TCP1: variants seen among roughly 807,000 people sequenced by gnomAD.
The protein encoded by TCP1 is t-complex 1.
In TCP1, 6 loss-of-function variants were observed where a neutral mutation model predicts 54.7. That is an observed-to-expected ratio of 0.11 (90% CI 0.06 to 0.22). The LOEUF is 0.22. Ranked by LOEUF, TCP1 falls within the 10% of genes least tolerant of loss-of-function variation. The probability of loss-of-function intolerance (pLI) is 1.00; values close to 1 mark genes in which losing one functional copy is unlikely to be tolerated. For synonymous variants in TCP1, 225 were observed against 229.7 expected (o/e 0.98, Z 0.19); for missense variants, 511 against 678.2 (o/e 0.75, Z 2.74).
intron 7 of TCP1, 90 bp from the exon 8 acceptor site, chr6:159,781,200 G>C (rs1780568782): frequency 3.5e-6 from 4 of 1,140,238 alleles, no homozygotes; most frequent in South Asian, 1.8e-5. Flanking sequence ...GATAATCATA[G>C]ATCAAATTGT....
chr6:159,780,682 G>A, intron 8 of TCP1, 116 bp from the exon 9 acceptor site: 1 of 1,362,882 alleles, frequency 7.3e-7, no homozygotes, highest in Middle Eastern at 1.9e-4. Context: ...ATTTAGTTAG[G>A]CAGCACACGG....
At chr6:159,785,183 C>T (rs1019316715) in intron 5 of TCP1, 13 of 609,850 alleles carry the variant, frequency 2.1e-5, no homozygotes, top group African/African-American at 9.3e-5. Context: ...CGCACGCGTG[C>T]GCGCAACACA....
chr6:159,789,306 C>T, intron 1 of TCP1, 99 bp downstream of exon 1: 2 of 1,401,906 alleles, frequency 1.4e-6, no homozygotes, highest in Non-Finnish European at 2.0e-6. Context: ...GCCCTTTCTG[C>T]GGAGGTAAAG....
Position 159,786,013 on chromosome 6 carries a change from T to A in TCP1, c.280-16A>T. 1 of 1,603,040 alleles carries A rather than the reference T, an allele frequency of 6.2e-7. No individual in the cohort carries two copies. Among genetic ancestry groups the A allele is most frequent in the East Asian group, 2.2e-5 (1 of 44,804 alleles). Reference sequence around the variant, plus strand: ...CAATAATAACCTGTTGAGAAAACATTCACTGGTCTGAGTGTGCCGGATATT... The same window carrying A: ...CAATAATAACCTGTTGAGAAAACATACACTGGTCTGAGTGTGCCGGATATT... On this transcript the variant is annotated splice_polypyrimidine_tract_variant and intron_variant, in intron 3 of 11. Coordinates refer to ENST00000321394, the MANE Select transcript of TCP1 (RefSeq NM_030752.3).
chr6:159,779,992 A>G lies in TCP1; in HGVS notation c.1193T>C (p.Val398Ala), dbSNP rs554265255. Residue 398 changes from valine to alanine, a missense_variant, in exon 10 of 12, where the codon GTA (valine) becomes GCA (alanine). Physicochemically the swap from Val to Ala is moderately conservative, Grantham distance 64 (BLOSUM62 0). Coordinates refer to ENST00000321394, the MANE Select transcript of TCP1 (RefSeq NM_030752.3). ...MERSLHDALC[V>A]VKRVLESKSV... ...TTTTGACTCCAAAACTCTCTTCACT[A>G]CACAAAGTGCATCATGTAAAGAGCG... 1.2e-5 allele frequency: 20 copies of G among 1,614,140 alleles called. 1 individual carries two copies. In the South Asian group the frequency reaches 1.9e-4, roughly 15 times the overall value.
chr6:159,785,626 G>C (rs1005177897), intron 4 of TCP1, 130 bp from the exon 5 acceptor site: 2 of 854,594 alleles, frequency 2.3e-6, no homozygotes, highest in Non-Finnish European at 4.0e-6. Flanking sequence ...TATAGGAGGA[G>C]GACATGAAAA....
In TCP1 at chr6:159,778,867, A is replaced by G; in HGVS notation, c.*178T>C. The G allele has an allele frequency of 6.2e-7, 1 of 1,613,096 alleles. No homozygotes were observed. ...TTGAACAACCTCAATTTCTTTTTAA[A>G]CTAATAAAGTACTAGGTTGCAATAT... is the stretch of plus-strand genomic sequence containing the variant. On this transcript the variant is annotated 3_prime_UTR_variant, in exon 12 of 12. Transcript: ENST00000321394.
Position 159,778,824 on chromosome 6 carries a change from G to C in TCP1, c.*221C>G. ...GGGAATAGCAATGTGTGTTCAGAGAGAATGAATTGCTTAAACTTTGAACAA... is the reference window on the plus strand; with the variant it reads ...GGGAATAGCAATGTGTGTTCAGAGACAATGAATTGCTTAAACTTTGAACAA... On this transcript the variant is annotated 3_prime_UTR_variant, in exon 12 of 12. Transcript: ENST00000321394. The C allele has an allele frequency of 6.2e-7, 1 of 1,614,074 alleles. No homozygotes were observed. The highest frequency in any genetic ancestry group is 8.5e-7 in the Non-Finnish European group (1 of 1,179,990).
chr6:159,789,330 G>T, intron 1 of TCP1, 75 bp downstream of exon 1: 1 of 1,566,662 alleles, frequency 6.4e-7, no homozygotes. Flanking sequence ...AGAAACGAGG[G>T]CAGCCGGGGT....
chr6:159,779,346 G>A (rs1780515150), intron 11 of TCP1, 85 bp from the exon 12 acceptor site: 1 of 1,273,746 alleles, frequency 7.9e-7, no homozygotes, highest in Non-Finnish European at 1.1e-6. Flanking sequence ...CAAGTATTAA[G>A]GTTGATTTTT....
rs768868346 is a variant in TCP1 at position 159,778,652 on chromosome 6, C to G, written c.*393G>C. Reference sequence around the variant, plus strand: ...ATAAACAATCTAAATCTTTTCTCCCCCGTTAGGTCAATATTGAAGGAGGGG... The same window carrying G: ...ATAAACAATCTAAATCTTTTCTCCCGCGTTAGGTCAATATTGAAGGAGGGG... On this transcript the variant is annotated 3_prime_UTR_variant, in exon 12 of 12. Coordinates refer to ENST00000321394, the MANE Select transcript of TCP1 (RefSeq NM_030752.3). The G allele has an allele frequency of 1.2e-6, 2 of 1,613,406 alleles. No individual in the cohort carries two copies. Among genetic ancestry groups the G allele is most frequent in the Non-Finnish European group, 1.7e-6 (2 of 1,179,530 alleles).
chr6:159,783,765 T>C (rs555181055), intron 7 of TCP1, among the ~76,000 whole-genome samples, 176 bp downstream of exon 7: 3 of 152,288 alleles, frequency 2.0e-5, no homozygotes, highest in Admixed American at 6.5e-5. Context: ...AATAGACTCA[T>C]ACAATCAAAA....
chr6:159,785,303 G>T, intron 5 of TCP1, 83 bp downstream of exon 5: 2 of 1,041,800 alleles, frequency 1.9e-6, no homozygotes, highest in Non-Finnish European at 3.0e-6. Flanking sequence ...TAGTAGCTGG[G>T]ACTACAGGCA....
At chr6:159,785,083 A>C (rs1547094) in intron 5 of TCP1, 130,132 of 609,758 alleles carry the variant, frequency 0.21, 14,924 homozygotes, top group East Asian at 0.38. Flanking sequence ...AGGTAATTTC[A>C]ATACAGCATT....
Position 159,787,078 on chromosome 6 carries a change from T to TAAAAAAAAAAAAA in TCP1, c.279+652_279+664dup, listed in dbSNP as rs76955548. On this transcript the variant is annotated intron_variant, in intron 3 of 11. Transcript: ENST00000321394. ...GGCAACATAGCGAGACCCTGTCTCT[T>TAAAAAAAAAAAAA]AAAAAAAAAAAAAAGAGGTTTTTAA... Among the ~76,000 whole-genome samples the TAAAAAAAAAAAAA allele has an allele frequency of 1.5e-5, 2 of 133,624 alleles. 1 individual carries two copies. The highest frequency in any genetic ancestry group is 3.1e-5 in the Non-Finnish European group (2 of 64,200). The allele number at this position is 133,624 out of a possible 152,430, so 87.7% of individuals were successfully genotyped here.
rs201063084 is a variant in TCP1 at position 159,780,017 on chromosome 6, G to A, written c.1168C>T (p.Arg390Cys). Reference protein sequence around the residue: ...ANDFMCDEMERSLHDALCVVK... With the variant: ...ANDFMCDEMECSLHDALCVVK... ...ACACAAAGTGCATCATGTAAAGAGCGCTCCATCTCATCACACATGAAATCA... is the reference window on the plus strand; with the variant it reads ...ACACAAAGTGCATCATGTAAAGAGCACTCCATCTCATCACACATGAAATCA... Residue 390 changes from arginine to cysteine, a missense_variant, in exon 10 of 12, where the codon CGC becomes TGC. Physicochemically the swap from Arg to Cys is radical, Grantham distance 180. Coordinates refer to ENST00000321394, the MANE Select transcript of TCP1 (RefSeq NM_030752.3). The A allele has an allele frequency of 5.6e-6, 9 of 1,614,080 alleles. No individual in the cohort carries two copies. Among genetic ancestry groups the A allele is most frequent in the Admixed American group, 5.0e-5 (3 of 60,016 alleles).
Position 159,780,428 on chromosome 6 carries a change from G to A in TCP1, c.1097+15C>T, listed in dbSNP as rs1227294400. On this transcript the variant is annotated intron_variant, in intron 9 of 11. Transcript: ENST00000321394. ...AAATCGGTATAACTTTACAATTTTA[G>A]AAAGTGGCTCTTACTTTTTGATTAA... 1.2e-6 allele frequency: 2 copies of A among 1,613,324 alleles called. No homozygotes were observed. The highest frequency in any genetic ancestry group is 2.7e-5 in the African/African-American group (2 of 74,856).
Position 159,778,909 on chromosome 6 carries a change from A to G in TCP1, c.*136T>C. 6.3e-7 allele frequency: 1 copy of G among 1,591,342 alleles called. No homozygotes were observed. On this transcript the variant is annotated 3_prime_UTR_variant, in exon 12 of 12. Coordinates refer to ENST00000321394, the MANE Select transcript of TCP1 (RefSeq NM_030752.3). ...TTGCAATATGTGAAATCAGAGGACCAAAGTACAGATGGAAACCATTTCCTA... is the reference window on the plus strand; with the variant it reads ...TTGCAATATGTGAAATCAGAGGACCGAAGTACAGATGGAAACCATTTCCTA...
intron 4 of TCP1, 60 bp downstream of exon 4, chr6:159,785,840 G>A: frequency 1.5e-6 from 2 of 1,302,768 alleles, no homozygotes; most frequent in Non-Finnish European, 2.2e-6. Context: ...AAAACGTTAA[G>A]ACAACACAGT....
Sources: gnomAD v4.1 joint callset for allele counts (sites outside exome capture counted in the v4.1 genomes callset) on GRCh38, gnomAD v4.1.1 for gene constraint, MANE v1.5 for transcripts, NCBI Gene and HGNC (gene_info 2026-07-23, HGNC 2026-07-21) for gene names.